B4GALT6: variants seen among roughly 807,000 people sequenced by gnomAD.
B4GALT6 encodes UDP-Gal:beta-GlcNAc beta-1,4-galactosyltransferase 6.
In B4GALT6, 14 loss-of-function variants were observed where a neutral mutation model predicts 46.3. The ratio of observed to expected loss-of-function variants is 0.30; its 90% CI spans 0.20 to 0.47. The LOEUF (loss-of-function observed/expected upper bound fraction) is 0.47. B4GALT6 is among the 20% of genes least tolerant of loss of function. B4GALT6 has a pLI of 0.99. For missense variants in B4GALT6, 386 were observed against 480.1 expected (o/e 0.80, Z 1.83); for synonymous variants, 168 against 162.0 (o/e 1.04, Z -0.28).
chr18:31,662,907 G>C (rs982909914), intron 2 of B4GALT6, among the ~76,000 whole-genome samples: 1 of 152,148 alleles, frequency 6.6e-6, no homozygotes, highest in African/African-American at 2.4e-5. Context: ...GGTGAGCAAT[G>C]TCCATCATGT....
At position 31,623,960 on chromosome 18, in the gene B4GALT6, T is replaced by C. The variant is rs1234139969; in HGVS notation, c.*1654A>G. On this transcript the variant is annotated 3_prime_UTR_variant, in exon 9 of 9. Coordinates refer to ENST00000306851, the MANE Select transcript of B4GALT6 (RefSeq NM_004775.5). ...GATTTCTATTGCTCATCATTGTTGT[T>C]GAACATTCACTTTATAGATATTTAA... 1 of 152,080 alleles carries C rather than the reference T, an allele frequency of 6.6e-6. No homozygotes were observed. The highest frequency in any genetic ancestry group is 1.5e-5 in the Non-Finnish European group (1 of 67,886). The allele number at this position is 152,080 out of a possible 1,614,324, so 9.4% of individuals were successfully genotyped here.
chr18:31,637,388 T>C (rs1004514763), intron 5 of B4GALT6, among the ~76,000 whole-genome samples: 1 of 125,940 alleles, frequency 7.9e-6, no homozygotes, highest in African/African-American at 3.3e-5. Flanking sequence ...ATGCAATGTA[T>C]GCTTTTTTTT....
intron 1 of B4GALT6, among the ~76,000 whole-genome samples, chr18:31,679,243 G>A (rs556237471): frequency 6.6e-6 from 1 of 152,338 alleles, no homozygotes; most frequent in East Asian, 1.9e-4. Flanking sequence ...AGGCTAAGGT[G>A]AAAAATAGCA....
chr18:31,705,892 T>C, the B4GALT6 span, among the ~76,000 whole-genome samples: 1 of 152,262 alleles, frequency 6.6e-6, no homozygotes, highest in African/African-American at 2.4e-5. Flanking sequence ...CTGAAATGCC[T>C]ATACACACCC....
chr18:31,692,348 T>G, the B4GALT6 span, among the ~76,000 whole-genome samples: 1 of 152,226 alleles, frequency 6.6e-6, no homozygotes, highest in African/African-American at 2.4e-5. Context: ...TTCAAGTTGC[T>G]CGCATTCTCT....
upstream of B4GALT6, among the ~76,000 whole-genome samples, chr18:31,688,364 A>T (rs2030003040): frequency 6.6e-6 from 1 of 151,310 alleles, no homozygotes. Context: ...GGTGAGAAAA[A>T]AGATATTGGT....
the B4GALT6 span, among the ~76,000 whole-genome samples, chr18:31,695,953 A>G: frequency 1.4e-3 from 220 of 152,380 alleles, 1 homozygote; most frequent in African/African-American, 4.9e-3. Context: ...GAAAAAGAAC[A>G]TGACATATGA....
At chr18:31,645,629 T>C in intron 3 of B4GALT6, 150 bp from the exon 4 acceptor site, 2 of 651,928 alleles carry the variant, frequency 3.1e-6, no homozygotes, top group Non-Finnish European at 5.0e-6. Flanking sequence ...TGAATAGCGC[T>C]CCCTTTCACT....
chr18:31,674,308 G>C (rs2074391462), intron 1 of B4GALT6, among the ~76,000 whole-genome samples: 1 of 152,162 alleles, frequency 6.6e-6, no homozygotes, highest in Non-Finnish European at 1.5e-5. Flanking sequence ...AGAAATGTTG[G>C]TTCAAGGCCA....
intron 1 of B4GALT6, among the ~76,000 whole-genome samples, chr18:31,678,062 C>T (rs981509805): frequency 5.3e-5 from 8 of 152,126 alleles, no homozygotes; most frequent in Admixed American, 3.9e-4. Context: ...GTGTGGGTGG[C>T]GGACAGGTAG....
At chr18:31,683,708 C>T (rs982111548) in intron 1 of B4GALT6, among the ~76,000 whole-genome samples, 1 of 152,132 alleles carries the variant, frequency 6.6e-6, no homozygotes, top group African/African-American at 2.4e-5. Flanking sequence ...GTAGCAAAGG[C>T]AACGTACCCT....
upstream of B4GALT6, chr18:31,684,632 G>A (rs1223035040): frequency 7.7e-7 from 1 of 1,292,598 alleles, no homozygotes; most frequent in Non-Finnish European, 9.9e-7. Context: ...AGTCGGGGGA[G>A]GGGAGGCGCG....
upstream of B4GALT6, among the ~76,000 whole-genome samples, chr18:31,686,988 G>T (rs1250684321): frequency 6.6e-6 from 1 of 152,198 alleles, no homozygotes; most frequent in Non-Finnish European, 1.5e-5. Context: ...TAACATTATA[G>T]AATTTGATGA....
the B4GALT6 span, among the ~76,000 whole-genome samples, chr18:31,706,336 T>G: frequency 6.6e-6 from 1 of 151,878 alleles, no homozygotes; most frequent in Non-Finnish European, 1.5e-5. Context: ...ATGAAGAACA[T>G]CATATAACTT....
chr18:31,690,821 A>G (rs561637295), upstream of B4GALT6, among the ~76,000 whole-genome samples: 112 of 152,306 alleles, frequency 7.4e-4, no homozygotes, highest in Non-Finnish European at 1.1e-3. Context: ...ATAGCCATAA[A>G]AAAGAATGAG....
intron 7 of B4GALT6, 59 bp from the exon 8 acceptor site, chr18:31,626,443 G>T: frequency 1.0e-6 from 1 of 994,490 alleles, no homozygotes; most frequent in Non-Finnish European, 1.5e-6. Context: ...AATGGGTTAT[G>T]TGAGTTCAAT....
At chr18:31,657,849 G>T in intron 3 of B4GALT6, 127 bp downstream of exon 3, 1 of 571,906 alleles carries the variant, frequency 1.7e-6, no homozygotes, top group Non-Finnish European at 3.0e-6. Flanking sequence ...CAAATAACAT[G>T]CTGCATAATA....
chr18:31,702,353 A>G, the B4GALT6 span, among the ~76,000 whole-genome samples: 1 of 152,234 alleles, frequency 6.6e-6, no homozygotes, highest in African/African-American at 2.4e-5. Context: ...CAGTAAAGTT[A>G]TACATAGGGT....
At chr18:31,679,854 C>T (rs1182110508) in intron 1 of B4GALT6, among the ~76,000 whole-genome samples, 1 of 152,226 alleles carries the variant, frequency 6.6e-6, no homozygotes, top group Non-Finnish European at 1.5e-5. Flanking sequence ...CATGTTAAAG[C>T]TCTTCCTGTT....
Sources: gnomAD v4.1 joint callset for allele counts (sites outside exome capture counted in the v4.1 genomes callset) on GRCh38, gnomAD v4.1.1 for gene constraint, MANE v1.5 for transcripts, NCBI Gene and HGNC (gene_info 2026-07-23, HGNC 2026-07-21) for gene names.